Variants in JAKMIP1 observed in about 807,000 individuals in gnomAD.
JAKMIP1 encodes the protein janus kinase and microtubule-interacting protein 1.
Under a neutral mutation model 113.0 loss-of-function variants are expected in JAKMIP1, and 33 were observed. The ratio of observed to expected loss-of-function variants is 0.29; its 90% confidence interval spans 0.22 to 0.39. The LOEUF (loss-of-function observed/expected upper bound fraction) is 0.39, where lower values mean the gene tolerates loss of function less well. Ranked by LOEUF, JAKMIP1 falls within the 10% of genes least tolerant of loss-of-function variation. JAKMIP1 has a pLI of 1.00. For missense variants in JAKMIP1, 813 were observed against 1,080.5 expected, an observed-to-expected ratio of 0.75 and a Z score of 3.47; for synonymous variants, 480 against 459.9, an observed-to-expected ratio of 1.04 and a Z score of -0.56.
intron 3 of JAKMIP1, among the ~76,000 whole-genome samples, chr4:6,101,732 C>CAAAAAAAAAAAAAAAAAA (rs56084278): frequency 2.1e-5 from 2 of 96,594 alleles, no homozygotes; most frequent in Admixed American, 1.2e-4. Context: ...ACTAAAAATA[C>CAAAAAAAAAAAAAAAAAA]AAAAAAAAAA....
intron 1 of JAKMIP1, among the ~76,000 whole-genome samples, chr4:6,170,619 C>T (rs577102883): frequency 4.1e-5 from 5 of 122,846 alleles, no homozygotes; most frequent in African/African-American, 1.2e-4. Flanking sequence ...TCACCACCAC[C>T]GTTAACATCA....
At chr4:6,046,200 CA>C (rs1199355773) in intron 16 of JAKMIP1, among the ~76,000 whole-genome samples, 1 of 152,230 alleles carries the variant, frequency 6.6e-6, no homozygotes, top group Non-Finnish European at 1.5e-5. Flanking sequence ...GCCAGGTTCT[CA>C]GGGGGTCCTG....
chr4:6,057,975 A>C (rs897265634), intron 11 of JAKMIP1, among the ~76,000 whole-genome samples: 4 of 152,252 alleles, frequency 2.6e-5, no homozygotes, highest in Non-Finnish European at 4.4e-5. Context: ...ACTGTGTGCA[A>C]ATAGAACCCC....
chr4:6,098,546 A>AAAGAAAGAAAGAAAGAAAG (rs1712253676), intron 3 of JAKMIP1, among the ~76,000 whole-genome samples: 1 of 46,488 alleles, frequency 2.2e-5, no homozygotes, highest in African/African-American at 5.3e-5. Context: ...GAGAGAAAGA[A>AAAGAAAGAAAGAAAGAAAG]AAAGAAAGAA....
intron 13 of JAKMIP1, among the ~76,000 whole-genome samples, chr4:6,052,235 C>T (rs191744086): frequency 6.7e-4 from 101 of 151,680 alleles, no homozygotes; most frequent in African/African-American, 2.2e-3. Context: ...AAAAAACAAG[C>T]AAAAAAACAA....
rs1248778579 is a variant in JAKMIP1, at chr4:6,172,977, G to T, written c.-148+27276C>A. Among the ~76,000 whole-genome samples, 3 of 152,214 alleles carry T rather than the reference G, an allele frequency of 2.0e-5. No homozygotes were observed. In the East Asian group the frequency reaches 5.8e-4, roughly 29 times the overall value. ...TGAGGTTGGAGCTGAGAGCCTGGGG[G>T]CTTCCTGGAGGAGGTGATGCCCCAG... On this transcript the variant is annotated intron_variant, in intron 1 of 20. Coordinates refer to ENST00000409021, the MANE Select transcript of JAKMIP1 (RefSeq NM_001099433.2).
chr4:6,046,034 C>T (rs1481378455), intron 16 of JAKMIP1, among the ~76,000 whole-genome samples: 2 of 149,678 alleles, frequency 1.3e-5, no homozygotes, highest in Non-Finnish European at 3.0e-5. Flanking sequence ...AGGTGCTCAC[C>T]CCCTTTGCAA....
Position 6,112,707 on chromosome 4 carries a change from G to T in JAKMIP1, c.129+15C>A. 1 of 1,612,470 alleles carries T rather than the reference G, an allele frequency of 6.2e-7. No individual in the cohort carries two copies. The highest frequency in any genetic ancestry group is 1.1e-5 in the South Asian group (1 of 90,992). On this transcript the variant is annotated intron_variant, in intron 2 of 20. Coordinates refer to ENST00000409021, the MANE Select transcript of JAKMIP1 (RefSeq NM_001099433.2). Reference sequence around the variant, plus strand: ...TTTGCAGCCCAGCCGCTGCTGAGCTGACGCCAACCCCCACCTTGCTTTTTT... The same window carrying T: ...TTTGCAGCCCAGCCGCTGCTGAGCTTACGCCAACCCCCACCTTGCTTTTTT...
chr4:6,064,480 G>A lies in JAKMIP1; in HGVS notation c.1431+400C>T, dbSNP rs552402413. Among the ~76,000 whole-genome samples, 1 of 152,206 alleles carries A rather than the reference G, an allele frequency of 6.6e-6. No individual in the cohort carries two copies. The highest frequency in any genetic ancestry group is 2.4e-5 in the African/African-American group (1 of 41,454). On this transcript the variant is annotated intron_variant, in intron 9 of 20. Coordinates refer to ENST00000409021, the MANE Select transcript of JAKMIP1 (RefSeq NM_001099433.2). The surrounding 1 kb of genome is among the most constrained non-coding windows in gnomAD (Gnocchi z 4.3). ...TCTTAGTCAAGAAAGCAATGATGCT[G>A]TTTCTGCCCGGTGGTGTGTCCGTGT...
intron 1 of JAKMIP1, among the ~76,000 whole-genome samples, chr4:6,182,423 A>AGAAAG (rs1265727544): frequency 1.1e-4 from 16 of 140,242 alleles, no homozygotes; most frequent in Admixed American, 7.4e-5. Context: ...AAAAAAAAAA[A>AGAAAG]AAAGAAAGAA....
At position 6,141,468 on chromosome 4, in the gene JAKMIP1, A is replaced by C. The variant is rs1720141193; in HGVS notation, c.-147-28471T>G. ...ATAAATAAATAAATACCAAAAAACA[A>C]ACAAACAAACACAAAAAACAAAGTG... On this transcript the variant is annotated intron_variant, in intron 1 of 20. Transcript: ENST00000409021. The surrounding 1 kb of genome is among the most constrained non-coding windows in gnomAD (Gnocchi z 9.4). Among the ~76,000 whole-genome samples the C allele has an allele frequency of 1.3e-5, 2 of 152,116 alleles. No homozygotes were observed. The highest frequency in any genetic ancestry group is 4.1e-4 in the South Asian group (2 of 4,822).
In JAKMIP1 at chr4:6,089,694, T is replaced by C. The variant is rs566445756; in HGVS notation, c.625-4065A>G. ...AACAAGCCCACTGACCCATGACTGATTTGGTGAGCTCCACTTTATTGCAAA... is the reference window on the plus strand; with the variant it reads ...AACAAGCCCACTGACCCATGACTGACTTGGTGAGCTCCACTTTATTGCAAA... On this transcript the variant is annotated intron_variant, in intron 3 of 20. Coordinates refer to ENST00000409021, the MANE Select transcript of JAKMIP1 (RefSeq NM_001099433.2). The surrounding 1 kb of genome is among the most constrained non-coding windows in gnomAD (Gnocchi z 5.3). 1.3e-5 allele frequency among the ~76,000 whole-genome samples: 2 copies of C among 152,272 alleles called. No homozygotes were observed. The highest frequency in any genetic ancestry group is 2.9e-5 in the Non-Finnish European group (2 of 68,014).
At position 6,076,241 on chromosome 4, in the gene JAKMIP1, C is replaced by T. The variant is rs1719679508; in HGVS notation, c.1302+2698G>A. Among the ~76,000 whole-genome samples, 1 of 152,054 alleles carries T rather than the reference C, an allele frequency of 6.6e-6. No homozygotes were observed. The highest frequency in any genetic ancestry group is 2.1e-4 in the South Asian group (1 of 4,814). ...ACAAACAAATAAATATAGACAAGTT[C>T]TACTCAAACCACTTCCTATTTCTGA... On this transcript the variant is annotated intron_variant, in intron 8 of 20. Transcript: ENST00000409021. This position sits in a 1 kb window ranked among gnomAD's most constrained non-coding sequence, Gnocchi z 4.8.
intron 1 of JAKMIP1, among the ~76,000 whole-genome samples, chr4:6,165,524 A>C (rs185671070): frequency 6.6e-6 from 1 of 152,050 alleles, no homozygotes; most frequent in Non-Finnish European, 1.5e-5. Flanking sequence ...AAGCTCTTGA[A>C]CTCCTGACCT....
Position 6,194,149 on chromosome 4 carries a change from G to C in JAKMIP1, c.-148+6104C>G, listed in dbSNP as rs1356406046. Among the ~76,000 whole-genome samples the C allele has an allele frequency of 6.6e-6, 1 of 152,040 alleles. No individual in the cohort carries two copies. The highest frequency in any genetic ancestry group is 6.5e-5 in the Admixed American group (1 of 15,276). ...ATGCCGGGGCTGGGAGAGGGGAAGT[G>C]AGGAATGACTGCCCATGGGCACAGG... On this transcript the variant is annotated intron_variant, in intron 1 of 20. Coordinates refer to ENST00000409021, the MANE Select transcript of JAKMIP1 (RefSeq NM_001099433.2). This position sits in a 1 kb window ranked among gnomAD's most constrained non-coding sequence, Gnocchi z 7.4.
In JAKMIP1 at chr4:6,154,723, C is replaced by G. The variant is rs966352561; in HGVS notation, c.-147-41726G>C. ...ACCCCTCTTTCAGTTTACTTACTACCCAGCCCACTCCTAACTCCCCACCCC... is the reference window on the plus strand; with the variant it reads ...ACCCCTCTTTCAGTTTACTTACTACGCAGCCCACTCCTAACTCCCCACCCC... On this transcript the variant is annotated intron_variant, in intron 1 of 20. Transcript: ENST00000409021. This position sits in a 1 kb window ranked among gnomAD's most constrained non-coding sequence, Gnocchi z 4.2. Among the ~76,000 whole-genome samples the G allele has an allele frequency of 6.6e-6, 1 of 152,160 alleles. No individual in the cohort carries two copies. The highest frequency in any genetic ancestry group is 1.9e-4 in the East Asian group (1 of 5,160).
Position 6,062,332 on chromosome 4 carries a change from C to G in JAKMIP1, c.1540G>C (p.Asp514His). ...LLQEQVGGTL[D>H]AEREARTREQ... ...CTCACCCGGGCCTCCCTCTCAGCGT[C>G]CAGCGTGCCTCCCACCTGCTCCTGG... The change falls in exon 10 of 21, where the codon GAC (aspartate) becomes CAC (histidine). Residue 514 changes from aspartate to histidine, a missense_variant. Asp to His is a moderately conservative substitution (Grantham distance 81, BLOSUM62 -1). This residue lies in a region of JAKMIP1 where 273 missense variants were observed against 426.6 expected (regional missense o/e 0.64). Coordinates refer to ENST00000409021, the MANE Select transcript of JAKMIP1 (RefSeq NM_001099433.2). 6.2e-7 allele frequency: 1 copy of G among 1,613,152 alleles called. No individual in the cohort carries two copies. The highest frequency in any genetic ancestry group is 8.5e-7 in the Non-Finnish European group (1 of 1,179,966).
In JAKMIP1 at chr4:6,116,890, G is replaced by A. The variant is rs1457524820; in HGVS notation, c.-147-3893C>T. On this transcript the variant is annotated intron_variant, in intron 1 of 20. Transcript: ENST00000409021. The surrounding 1 kb of genome is among the most constrained non-coding windows in gnomAD (Gnocchi z 5.1). Reference sequence around the variant, plus strand: ...CAAATATCACCTGTCACGGGCAGGCGGTGGGGAGGGCAAACTGCCAGACCA... The same window carrying A: ...CAAATATCACCTGTCACGGGCAGGCAGTGGGGAGGGCAAACTGCCAGACCA... Among the ~76,000 whole-genome samples the A allele has an allele frequency of 2.0e-5, 3 of 152,198 alleles. No homozygotes were observed. Among genetic ancestry groups the A allele is most frequent in the Non-Finnish European group, 4.4e-5 (3 of 68,040 alleles).
At position 6,049,968 on chromosome 4, in the gene JAKMIP1, C is replaced by T. The variant is rs755237240; in HGVS notation, c.1909-96G>A. On this transcript the variant is annotated intron_variant, in intron 14 of 20. Transcript: ENST00000409021. The surrounding 1 kb of genome is among the most constrained non-coding windows in gnomAD (Gnocchi z 7.0). ...GGCCTTTCCTCTGGACAAGACACCGCGCTCTTTCTTTTCTTTTCTGGCCAA... is the reference window on the plus strand; with the variant it reads ...GGCCTTTCCTCTGGACAAGACACCGTGCTCTTTCTTTTCTTTTCTGGCCAA... 6.6e-5 allele frequency: 55 copies of T among 836,248 alleles called. No individual in the cohort carries two copies. The highest frequency in any genetic ancestry group is 4.5e-4 in the Middle Eastern group (2 of 4,474). 51.8% of individuals were successfully genotyped at this position (836,248 alleles called of 1,614,324 possible).
Sources: allele counts gnomAD v4.1 joint callset (sites outside exome capture counted in the v4.1 genomes callset), GRCh38; gene constraint gnomAD v4.1.1; regional missense constraint gnomAD v4.1.1; non-coding constraint Gnocchi (gnomAD v3.1); transcripts MANE v1.5; gene names NCBI Gene and HGNC (gene_info 2026-07-23, HGNC 2026-07-21).